DMRT1: variants seen among roughly 807,000 people sequenced by gnomAD.
The protein encoded by DMRT1 is doublesex and mab-3 related transcription factor 1, also known as doublesex- and mab-3-related transcription factor 1.
DMRT1 carries 7 observed loss-of-function variants against 32.3 expected under a neutral mutation model. The observed-to-expected ratio is 0.22, with a 90% confidence interval of 0.12 to 0.41. The LOEUF (loss-of-function observed/expected upper bound fraction) is 0.41, where lower values mean the gene tolerates loss of function less well. Ranked by LOEUF, DMRT1 falls within the 10% of genes least tolerant of loss-of-function variation. The pLI, the probability that DMRT1 is intolerant of heterozygous loss-of-function variation, is 1.00. For synonymous variants in DMRT1, 278 were observed against 206.1 expected (o/e 1.35, Z -2.99); for missense variants, 625 against 500.5 (o/e 1.25, Z -2.37).
chr9:935,485 TGTCTGA>T (rs1818856118), intron 4 of DMRT1, among the ~76,000 whole-genome samples: 5 of 152,376 alleles, frequency 3.3e-5, no homozygotes, highest in Admixed American at 2.6e-4. Flanking sequence ...CTTGTCAGCC[TGTCTGA>T]GTCTGACTCC....
chr9:942,911 C>G (rs2129917773), intron 4 of DMRT1, among the ~76,000 whole-genome samples: 1 of 152,004 alleles, frequency 6.6e-6, no homozygotes, highest in Non-Finnish European at 1.5e-5. Flanking sequence ...AAGAATTACT[C>G]CCTTAAGGAA....
intron 4 of DMRT1, among the ~76,000 whole-genome samples, chr9:963,858 T>A (rs1819851278): frequency 6.6e-6 from 1 of 152,268 alleles, no homozygotes; most frequent in Non-Finnish European, 1.5e-5. Flanking sequence ...TAAGAAATTT[T>A]CATCAGCTTT....
intron 4 of DMRT1, among the ~76,000 whole-genome samples, chr9:961,541 A>T (rs1819773329): frequency 6.6e-6 from 1 of 152,158 alleles, no homozygotes. Flanking sequence ...CTGGTGTTTG[A>T]TTTGATGCCA....
intron 4 of DMRT1, among the ~76,000 whole-genome samples, chr9:929,787 TC>T (rs1818648205): frequency 6.6e-6 from 1 of 151,938 alleles, no homozygotes; most frequent in Non-Finnish European, 1.5e-5. Flanking sequence ...TTTCCTTAAG[TC>T]CCCCCAGGAT....
chr9:893,463 G>A (rs987943717), intron 2 of DMRT1, among the ~76,000 whole-genome samples: 5 of 152,260 alleles, frequency 3.3e-5, no homozygotes, highest in African/African-American at 9.6e-5. Context: ...CCTGTGGAAG[G>A]AAGTTAAGGA....
At chr9:940,167 C>G (rs573668385) in intron 4 of DMRT1, among the ~76,000 whole-genome samples, 2 of 152,002 alleles carry the variant, frequency 1.3e-5, no homozygotes, top group Admixed American at 6.5e-5. Context: ...TCTGCAAAAA[C>G]TTAACCATAA....
Position 882,041 on chromosome 9 carries a change from C to G in DMRT1, c.539-11871C>G, listed in dbSNP as rs78889494. Among the ~76,000 whole-genome samples, 1,159 of 152,266 alleles carry G rather than the reference C, an allele frequency of 7.6e-3. 11 individuals are homozygous for G. Among genetic ancestry groups the G allele is most frequent in the African/African-American group, 0.027 (1,103 of 41,544 alleles). On this transcript the variant is annotated intron_variant, in intron 2 of 4. Coordinates refer to ENST00000382276, the MANE Select transcript of DMRT1 (RefSeq NM_021951.3). ...AATGGCATTTCCTCCAAATCTGACTCTCATTGTAGGATTAACAGTTTTCCT... is the reference window on the plus strand; with the variant it reads ...AATGGCATTTCCTCCAAATCTGACTGTCATTGTAGGATTAACAGTTTTCCT...
chr9:841,760 TGTCCGTCGG>T lies in DMRT1; in HGVS notation c.-76_-68del. 6.4e-7 allele frequency: 1 copy of T among 1,551,248 alleles called. No individual in the cohort carries two copies. The highest frequency in any genetic ancestry group is 8.7e-7 in the Non-Finnish European group (1 of 1,148,494). On this transcript the variant is annotated 5_prime_UTR_variant, in exon 1 of 5. Transcript: ENST00000382276. ...TGCGCCTCCTCCTCCGGAGCGTCGC[TGTCCGTCGG>T]GTTCATCCCTCGCAGCAGTCTCCAG...
chr9:965,700 T>C lies in DMRT1; in HGVS notation c.968-2285T>C, dbSNP rs761691279. Among the ~76,000 whole-genome samples, 2 of 152,198 alleles carry C rather than the reference T, an allele frequency of 1.3e-5. No homozygotes were observed. The highest frequency in any genetic ancestry group is 2.9e-5 in the Non-Finnish European group (2 of 68,026). ...TCCTTTACAAGCCTCTGCATCAGCT[T>C]GGCAAAGGTCCGTTGCTTTGCCTCC... On this transcript the variant is annotated intron_variant, in intron 4 of 4. Transcript: ENST00000382276. This position sits in a 1 kb window ranked among gnomAD's most constrained non-coding sequence, Gnocchi z 4.5.
intron 4 of DMRT1, among the ~76,000 whole-genome samples, chr9:945,404 C>A (rs1173334327): frequency 6.6e-6 from 1 of 152,190 alleles, no homozygotes; most frequent in South Asian, 2.1e-4. Context: ...GATCCACCGG[C>A]CTTAGCCTCC....
At chr9:873,772 T>A (rs1402943226) in intron 2 of DMRT1, among the ~76,000 whole-genome samples, 2 of 152,308 alleles carry the variant, frequency 1.3e-5, no homozygotes, top group South Asian at 4.1e-4. Context: ...CTAATACCTT[T>A]TAAGTATTGT....
chr9:943,122 A>G (rs1819132099), intron 4 of DMRT1, among the ~76,000 whole-genome samples: 1 of 152,216 alleles, frequency 6.6e-6, no homozygotes, highest in Non-Finnish European at 1.5e-5. Context: ...TATTCCAAGG[A>G]GTAAGAGTGA....
Position 918,839 on chromosome 9 carries a change from G to A in DMRT1, c.967+1932G>A, listed in dbSNP as rs546063604. Among the ~76,000 whole-genome samples, 6 of 152,346 alleles carry A rather than the reference G, an allele frequency of 3.9e-5. No homozygotes were observed. The South Asian group carries it at 6.2e-4, about 16-fold the overall frequency. ...ACAGAAGGCTTAATGCCTTCCAAAT[G>A]TGTGCTATTTTGGCTTTTTTTATAT... On this transcript the variant is annotated intron_variant, in intron 4 of 4. Coordinates refer to ENST00000382276, the MANE Select transcript of DMRT1 (RefSeq NM_021951.3).
chr9:844,131 A>G (rs1367772234), intron 1 of DMRT1, among the ~76,000 whole-genome samples: 1 of 152,222 alleles, frequency 6.6e-6, no homozygotes, highest in Non-Finnish European at 1.5e-5. Context: ...TTAATTTTGA[A>G]TAACCTTTAT....
intron 2 of DMRT1, among the ~76,000 whole-genome samples, chr9:861,398 T>A (rs574106865): frequency 2.0e-5 from 3 of 151,832 alleles, no homozygotes; most frequent in Admixed American, 6.6e-5. Flanking sequence ...GGTTATAGAT[T>A]AACAGCATCC....
chr9:843,885 T>C (rs1345191289), intron 1 of DMRT1, among the ~76,000 whole-genome samples: 2 of 152,210 alleles, frequency 1.3e-5, no homozygotes, highest in Non-Finnish European at 2.9e-5. Context: ...AAAATAGATA[T>C]TGTTTTGCTT....
At chr9:844,719 CTTTTT>C (rs35980858) in intron 1 of DMRT1, among the ~76,000 whole-genome samples, 1 of 116,886 alleles carries the variant, frequency 8.6e-6, no homozygotes. Flanking sequence ...TTCTTTCTTT[CTTTTT>C]TTTTTTTTTT....
At chr9:947,697 C>T (rs111938401) in intron 4 of DMRT1, among the ~76,000 whole-genome samples, 2,250 of 152,222 alleles carry the variant, frequency 0.015, 66 homozygotes, top group African/African-American at 0.052. Flanking sequence ...GATCTCGGCT[C>T]ACTGCAGCCT....
chr9:850,624 A>C (rs1483919326), intron 2 of DMRT1, among the ~76,000 whole-genome samples: 1 of 152,202 alleles, frequency 6.6e-6, no homozygotes, highest in Non-Finnish European at 1.5e-5. Flanking sequence ...ATGTAATATA[A>C]AATATTTGCA....
Sources: gnomAD v4.1 joint callset for allele counts (sites outside exome capture counted in the v4.1 genomes callset) on GRCh38, gnomAD v4.1.1 for gene constraint, Gnocchi (gnomAD v3.1) non-coding constraint, MANE v1.5 for transcripts, NCBI Gene and HGNC (gene_info 2026-07-23, HGNC 2026-07-21) for gene names.